Variants in SEPTIN5 observed in about 807,000 individuals in gnomAD.
SEPTIN5 encodes the protein septin 5, also known as septin-5.
Under a neutral mutation model 51.2 loss-of-function variants are expected in SEPTIN5, and 16 were observed. The ratio of observed to expected loss-of-function variants is 0.31; its 90% CI spans 0.21 to 0.47. The LOEUF is 0.47. SEPTIN5 is among the 20% of genes least tolerant of loss of function. The pLI is 0.99. For missense variants in SEPTIN5, 376 were observed against 500.3 expected (o/e 0.75, Z 2.37); for synonymous variants, 208 against 191.2 (o/e 1.09, Z -0.72).
intron 9 of SEPTIN5, 36 bp downstream of exon 9, chr22:19,721,772 G>C (rs766688849): frequency 6.2e-7 from 1 of 1,601,084 alleles, no homozygotes; most frequent in South Asian, 1.1e-5. Flanking sequence ...TCTGGTGGGG[G>C]AAGGCTGTCC....
rs1253406250 is a variant in SEPTIN5 at position 19,721,751 on chromosome 22, G to T, written c.814+15G>T. On this transcript the variant is annotated intron_variant, in intron 9 of 11. Coordinates refer to ENST00000455784, the MANE Select transcript of SEPTIN5 (RefSeq NM_002688.6). ...GATCGTGGAGGGTGAGTAGAGTCTT[G>T]GGGTACCAGGTCTGGTGGGGGAAGG... is the stretch of plus-strand genomic sequence containing the variant. 1 of 1,602,914 alleles carries T rather than the reference G, an allele frequency of 6.2e-7. No homozygotes were observed. Among genetic ancestry groups the T allele is most frequent in the African/African-American group, 1.3e-5 (1 of 74,794 alleles).
Position 19,722,613 on chromosome 22 carries a change from C to A in SEPTIN5, c.*129C>A. 1 of 956,970 alleles carries A rather than the reference C, an allele frequency of 1.0e-6. No individual in the cohort carries two copies. The highest frequency in any genetic ancestry group is 1.6e-5 in the African/African-American group (1 of 61,876). 59.3% of individuals were successfully genotyped at this position (956,970 alleles called of 1,614,324 possible). A position where few individuals can be genotyped will look rare whatever the true frequency, so the allele number is the denominator to read the frequency against. ...GACCCTAATTTATTCTCAGCACCAC[C>A]CCCTCCCAGGTCATTGTGTCTGTTT... On this transcript the variant is annotated 3_prime_UTR_variant, in exon 12 of 12. Transcript: ENST00000455784.
rs142709503 is a variant in SEPTIN5 at position 19,720,152 on chromosome 22, G to C, written c.276G>C (p.Thr92=). The change falls in exon 5 of 12, where the codon ACG becomes ACC. Residue 92 remains threonine, a synonymous_variant. Coordinates refer to ENST00000455784, the MANE Select transcript of SEPTIN5 (RefSeq NM_002688.6). The part of the protein sequence containing the change: ...ISQTVEILKH[T]VDIEEKGVKL... ...AGACGGTAGAGATTCTAAAACACAC[G>C]GTGGACATTGAGGAGAAGGGAGTCA... The C allele has an allele frequency of 2.3e-5, 37 of 1,613,288 alleles. No individual in the cohort carries two copies. Among genetic ancestry groups the C allele is most frequent in the Middle Eastern group, 3.3e-4 (2 of 6,084 alleles).
chr22:19,717,289 C>T lies in SEPTIN5; in HGVS notation c.55-2313C>T, dbSNP rs115225717. The T allele has an allele frequency of 4.9e-3, 2,291 of 470,568 alleles. 26 individuals carry two copies. The highest frequency in any genetic ancestry group is 0.021 in the South Asian group (1,383 of 64,572). 29.1% of individuals were successfully genotyped at this position (470,568 alleles called of 1,614,324 possible). ...CCTTTCCAGGCCCCATGTCCTGCTC[C>T]GCTGGGCTTGCCTGTTGGGATTCTA... On this transcript the variant is annotated intron_variant, in intron 2 of 11. Coordinates refer to ENST00000455784, the MANE Select transcript of SEPTIN5 (RefSeq NM_002688.6).
At chr22:19,719,189 C>A in intron 2 of SEPTIN5, 1 of 222,762 alleles carries the variant, frequency 4.5e-6, no homozygotes. Context: ...TGGGGCCTCC[C>A]GCCCCCTGGC....
intron 2 of SEPTIN5, chr22:19,718,548 C>T (rs1935953867): frequency 4.7e-6 from 6 of 1,286,476 alleles, no homozygotes; most frequent in Middle Eastern, 2.1e-4. Flanking sequence ...GCTCGGTCGG[C>T]CTCGGGGGTC....
In SEPTIN5 at chr22:19,722,283, C is replaced by T. The variant is rs1936059117; in HGVS notation, c.997C>T (p.Pro333Ser). The T allele has an allele frequency of 1.2e-6, 2 of 1,611,384 alleles. No homozygotes were observed. Among genetic ancestry groups the T allele is most frequent in the Admixed American group, 1.7e-5 (1 of 59,920 alleles). The stretch of plus-strand genomic sequence containing the variant: ...CATGGAGAGCCCCATCCCGATCCTG[C>T]CGCTGCCCACCCCGGACGCCGAGAC... ...SRMESPIPIL[P>S]LPTPDAETEK... Residue 333 changes from proline to serine, a missense_variant, in exon 11 of 12, where the codon CCG becomes TCG. This residue lies in a region of SEPTIN5 where 89 missense variants were observed against 83.3 expected (regional missense o/e 1.07). Transcript: ENST00000455784.
At chr22:19,716,694 C>T (rs1935916337) in intron 2 of SEPTIN5, among the ~76,000 whole-genome samples, 1 of 152,214 alleles carries the variant, frequency 6.6e-6, no homozygotes, top group African/African-American at 2.4e-5. Context: ...AGATTCTTGC[C>T]CTCCTGACCT....
At chr22:19,717,266 T>G (rs2145786005) in intron 2 of SEPTIN5, 1 of 470,026 alleles carries the variant, frequency 2.1e-6, no homozygotes, top group East Asian at 6.9e-5. Context: ...CCCTGGAACC[T>G]TTCCAGGCCC....
chr22:19,718,785 G>T, intron 2 of SEPTIN5: 1 of 1,237,014 alleles, frequency 8.1e-7, no homozygotes, highest in Non-Finnish European at 1.0e-6. Flanking sequence ...AGCAGCTGCT[G>T]TCGCCGCGGA....
At position 19,723,036 on chromosome 22, in the gene SEPTIN5, GCGGGGT is replaced by G; in HGVS notation, c.*555_*560del. On this transcript the variant is annotated 3_prime_UTR_variant, in exon 12 of 12. Coordinates refer to ENST00000455784, the MANE Select transcript of SEPTIN5 (RefSeq NM_002688.6). ...ATAAGGAGGCCAGAGGCTGCAAGGA[GCGGGGT>G]CGTGACCGCTTACACCCCTTCTCCA... is the stretch of plus-strand genomic sequence containing the variant. 1 of 476,150 alleles carries G rather than the reference GCGGGGT, an allele frequency of 2.1e-6. No individual in the cohort carries two copies. The allele number at this position is 476,150 out of a possible 1,614,324, so 29.5% of individuals were successfully genotyped here.
chr22:19,714,807 C>T lies in SEPTIN5; in HGVS notation c.54+16C>T, dbSNP rs763300005. ...GGACAAGCAGGTACGTGCGCAGCGC[C>T]GCTCCCCCGCCGGGAGACCCGGCCG... On this transcript the variant is annotated intron_variant, in intron 2 of 11. Transcript: ENST00000455784. This position sits in a 1 kb window ranked among gnomAD's most constrained non-coding sequence, Gnocchi z 5.2. 6.3e-7 allele frequency: 1 copy of T among 1,592,936 alleles called. No homozygotes were observed. Among genetic ancestry groups the T allele is most frequent in the African/African-American group, 1.4e-5 (1 of 73,516 alleles).
At chr22:19,719,330 C>T (rs1243104436) in intron 2 of SEPTIN5, 2 of 414,038 alleles carry the variant, frequency 4.8e-6, no homozygotes, top group Non-Finnish European at 8.8e-6. Flanking sequence ...CCTGCTGCGG[C>T]CTGACATCTC....
Position 19,720,669 on chromosome 22 carries a change from G to A in SEPTIN5, c.615+3G>A. 1 of 1,612,922 alleles carries A rather than the reference G, an allele frequency of 6.2e-7. No individual in the cohort carries two copies. Among genetic ancestry groups the A allele is most frequent in the South Asian group, 1.1e-5 (1 of 91,074 alleles). On this transcript the variant is annotated splice_donor_region_variant and intron_variant, in intron 7 of 11. Transcript: ENST00000455784. The stretch of plus-strand genomic sequence containing the variant: ...AGATCCGGAAGCTGAAGGAGCGGGT[G>A]AGCCTGCCGTCGCACAGGGGCCTGG...
chr22:19,720,640 A>G lies in SEPTIN5; in HGVS notation c.589A>G (p.Ser197Gly), dbSNP rs1187349429. ...LIAKADCLVP[S>G]EIRKLKERIR... Reference sequence around the variant, plus strand: ...CGCCAAAGCTGACTGTCTTGTCCCCAGTGAGATCCGGAAGCTGAAGGAGCG... The same window carrying G: ...CGCCAAAGCTGACTGTCTTGTCCCCGGTGAGATCCGGAAGCTGAAGGAGCG... Residue 197 changes from serine to glycine, a missense_variant, in exon 7 of 12, where the codon AGT (serine) becomes GGT (glycine). Physicochemically the swap from Ser to Gly is moderately conservative, Grantham distance 56 (BLOSUM62 0). This residue lies in a region of SEPTIN5 where 287 missense variants were observed against 417.1 expected (regional missense o/e 0.69). Coordinates refer to ENST00000455784, the MANE Select transcript of SEPTIN5 (RefSeq NM_002688.6). 1.2e-6 allele frequency: 2 copies of G among 1,612,938 alleles called. No individual in the cohort carries two copies. The highest frequency in any genetic ancestry group is 1.7e-5 in the Admixed American group (1 of 60,014).
At chr22:19,721,591 C>G (rs758367570) in intron 8 of SEPTIN5, 49 bp from the exon 9 acceptor site, 1 of 1,597,806 alleles carries the variant, frequency 6.3e-7, no homozygotes, top group Non-Finnish European at 8.6e-7. Context: ...CATCAGTAAC[C>G]GTGCAATTAC....
intron 4 of SEPTIN5, 88 bp downstream of exon 4, chr22:19,719,980 ACTGTT>A: frequency 6.2e-7 from 1 of 1,601,468 alleles, no homozygotes; most frequent in Non-Finnish European, 8.5e-7. Context: ...TCCAGCTCCC[ACTGTT>A]CTGTTCTCGC....
At chr22:19,719,007 C>G in intron 2 of SEPTIN5, 1 of 553,942 alleles carries the variant, frequency 1.8e-6, no homozygotes, top group Non-Finnish European at 2.7e-6. Context: ...CCTCACGCGA[C>G]TCCAAAACGC....
Position 19,722,594 on chromosome 22 carries a change from A to G in SEPTIN5, c.*110A>G. The G allele has an allele frequency of 8.5e-7, 1 of 1,177,718 alleles. No homozygotes were observed. Among genetic ancestry groups the G allele is most frequent in the Non-Finnish European group, 1.2e-6 (1 of 823,656 alleles). The allele number at this position is 1,177,718 out of a possible 1,614,324, so 73.0% of individuals were successfully genotyped here. A position where few individuals can be genotyped will look rare whatever the true frequency, so the allele number is the denominator to read the frequency against. On this transcript the variant is annotated 3_prime_UTR_variant, in exon 12 of 12. Coordinates refer to ENST00000455784, the MANE Select transcript of SEPTIN5 (RefSeq NM_002688.6). ...GGGGCCACAGCCCCCAGCTGACCCT[A>G]ATTTATTCTCAGCACCACCCCCTCC...
Sources: gnomAD v4.1 joint callset for allele counts (sites outside exome capture counted in the v4.1 genomes callset) on GRCh38, gnomAD v4.1.1 for gene constraint, gnomAD v4.1.1 regional missense constraint, Gnocchi (gnomAD v3.1) non-coding constraint, MANE v1.5 for transcripts, NCBI Gene and HGNC (gene_info 2026-07-23, HGNC 2026-07-21) for gene names.